The following MECOM variants were observed in gnomAD, a reference collection of about 807,000 sequenced individuals.
The protein encoded by MECOM is histone-lysine N-methyltransferase MECOM.
MECOM carries 13 observed loss-of-function variants against 116.3 expected under a neutral mutation model. The ratio of observed to expected loss-of-function variants is 0.11; its 90% CI spans 0.07 to 0.18. The LOEUF (loss-of-function observed/expected upper bound fraction) is 0.18. MECOM is among the 10% of genes least tolerant of loss of function. MECOM has a pLI of 1.00. For synonymous variants in MECOM, 528 were observed against 535.2 expected, an observed-to-expected ratio of 0.99 and a Z score of 0.19; for missense variants, 1,299 against 1,509.0, an observed-to-expected ratio of 0.86 and a Z score of 2.31.
At chr3:169,267,639 G>A (rs1038710039) in intron 2 of MECOM, among the ~76,000 whole-genome samples, 2 of 152,160 alleles carry the variant, frequency 1.3e-5, no homozygotes, top group East Asian at 3.9e-4. Flanking sequence ...GGTGATTGAA[G>A]TAATGCTACA....
At chr3:169,597,620 C>T (rs1186876121) in intron 1 of MECOM, among the ~76,000 whole-genome samples, 1 of 152,182 alleles carries the variant, frequency 6.6e-6, no homozygotes, top group Non-Finnish European at 1.5e-5. Context: ...GATACACAGA[C>T]TACAATTTCA....
chr3:169,628,977 T>C (rs1396408403), intron 1 of MECOM, among the ~76,000 whole-genome samples: 2 of 152,008 alleles, frequency 1.3e-5, no homozygotes, highest in African/African-American at 2.4e-5. Flanking sequence ...CTTACTAGAG[T>C]ACCTCTCAAG....
In MECOM at chr3:169,084,936, A is replaced by C. The variant is rs1353344038; in HGVS notation, c.3693T>G (p.Ser1231Arg). 3.1e-6 allele frequency: 5 copies of C among 1,614,080 alleles called. No individual in the cohort carries two copies. Among genetic ancestry groups the C allele is most frequent in the Non-Finnish European group, 3.4e-6 (4 of 1,179,990 alleles). Reference protein sequence around the residue: ...HSMARAAAESSAIQSISHV With the variant: ...HSMARAAAESRAIQSISHV ...ATACGTGGCTTATGGACTGGATAGC[A>C]CTGGATTCCGCCGCAGCCCTGGCCA... The change falls in exon 17 of 17, where the codon AGT (serine) becomes AGG (arginine). Residue 1231 changes from serine (S) to arginine (R), a missense_variant. Around this residue, in one of 6 missense-constraint regions of MECOM, gnomAD observed 273 missense variants for 289.3 expected, o/e 0.94. Transcript: ENST00000651503.
At position 169,430,393 on chromosome 3, in the gene MECOM, CATTT is replaced by C. The variant is rs140320165; in HGVS notation, c.38-48873_38-48870del. ...GATGACATAGTACTACATTAATAAA[CATTT>C]ATTAATTGTGATTTTATCATTTTCA... is the stretch of plus-strand genomic sequence containing the variant. On this transcript the variant is annotated intron_variant, in intron 1 of 16. Coordinates refer to ENST00000651503, the MANE Select transcript of MECOM (RefSeq NM_004991.4). Among the ~76,000 whole-genome samples, 529 of 152,230 alleles carry C rather than the reference CATTT, an allele frequency of 3.5e-3. 8 individuals are homozygous for C. The East Asian group carries it at 0.048, about 14-fold the overall frequency.
At chr3:169,370,255 A>T (rs764671936) in intron 2 of MECOM, among the ~76,000 whole-genome samples, 18 of 152,040 alleles carry the variant, frequency 1.2e-4, no homozygotes, top group Non-Finnish European at 2.1e-4. Context: ...AAGGGTGCCA[A>T]CAACACACAA....
intron 1 of MECOM, among the ~76,000 whole-genome samples, chr3:169,406,850 T>G (rs75306123): frequency 5.1e-5 from 7 of 137,914 alleles, no homozygotes; most frequent in East Asian, 2.1e-4. Context: ...TTTTTTTTTG[T>G]TTTTTTTTTT....
rs529116310 is a variant in MECOM at position 169,367,652 on chromosome 3, T to A, written c.375+13535A>T. Among the ~76,000 whole-genome samples the A allele has an allele frequency of 1.2e-4, 18 of 152,098 alleles. No homozygotes were observed. The Middle Eastern group carries it at 0.014, about 115-fold the overall frequency. On this transcript the variant is annotated intron_variant, in intron 2 of 16. Coordinates refer to ENST00000651503, the MANE Select transcript of MECOM (RefSeq NM_004991.4). ...CTTCCTAGGATTAGATTAAGAAGTA[T>A]CAACAAATTATTTTCTGTATCTTCA...
chr3:169,313,274 T>C (rs1308166989), intron 2 of MECOM, among the ~76,000 whole-genome samples: 1 of 151,508 alleles, frequency 6.6e-6, no homozygotes, highest in Non-Finnish European at 1.5e-5. Context: ...TGAGATGAGG[T>C]TGGGAAAAAA....
chr3:169,086,069 A>G (rs961735254), intron 16 of MECOM, among the ~76,000 whole-genome samples: 1 of 152,168 alleles, frequency 6.6e-6, no homozygotes, highest in Admixed American at 6.5e-5. Context: ...ACATGTGGCC[A>G]GTCTGTGGTT....
In MECOM at chr3:169,332,971, G is replaced by C. The variant is rs530472268; in HGVS notation, c.375+48216C>G. Among the ~76,000 whole-genome samples, 165 of 152,220 alleles carry C rather than the reference G, an allele frequency of 1.1e-3. 1 individual carries two copies. The highest frequency in any genetic ancestry group is 3.3e-3 in the African/African-American group (139 of 41,538). On this transcript the variant is annotated intron_variant, in intron 2 of 16. Transcript: ENST00000651503. The stretch of plus-strand genomic sequence containing the variant: ...CAACTAGGGAAGAAAAAAAAGCACA[G>C]CATTGAAGAAAAAATACTTTTTAAC...
At chr3:169,153,966 G>A (rs1210648856) in intron 2 of MECOM, among the ~76,000 whole-genome samples, 1 of 152,190 alleles carries the variant, frequency 6.6e-6, no homozygotes, top group African/African-American at 2.4e-5. Context: ...ACAGCAAAGT[G>A]TAAGTAGTTT....
chr3:169,093,056 C>T lies in MECOM; in HGVS notation c.3066G>A (p.Ala1022=), dbSNP rs779331325. The change falls in exon 14 of 17, where the codon GCG becomes GCA. Residue 1022 remains alanine (A), a synonymous_variant. Coordinates refer to ENST00000651503, the MANE Select transcript of MECOM (RefSeq NM_004991.4). ...AAGCATCTTCTTTGTCATCCAGAAT[C>T]GCACCTGTACTTTCCAGTTCAGAAT... ...SPHSELESTG[A]ILDDKEDAYF... is the part of the protein sequence containing the mutation. The T allele has an allele frequency of 6.3e-5, 102 of 1,613,620 alleles. No individual in the cohort carries two copies. The highest frequency in any genetic ancestry group is 1.5e-4 in the South Asian group (14 of 91,048).
chr3:169,219,669 G>A (rs1751867958), intron 2 of MECOM, among the ~76,000 whole-genome samples: 1 of 152,066 alleles, frequency 6.6e-6, no homozygotes, highest in East Asian at 1.9e-4. Flanking sequence ...TGGGTGTGTG[G>A]TGTAGAAGGA....
chr3:169,514,894 C>T (rs1478354926), intron 1 of MECOM, among the ~76,000 whole-genome samples: 13 of 152,170 alleles, frequency 8.5e-5, no homozygotes, highest in Admixed American at 8.5e-4. Context: ...CAATTCAACT[C>T]AGAAAGTAAA....
At chr3:169,146,376 C>T in intron 2 of MECOM, 1 of 1,385,350 alleles carries the variant, frequency 7.2e-7, no homozygotes, top group Non-Finnish European at 9.6e-7. Context: ...GCAACCGCAC[C>T]TTGTGCGTCC....
chr3:169,403,521 C>A (rs1254629864), intron 1 of MECOM, among the ~76,000 whole-genome samples: 4 of 152,122 alleles, frequency 2.6e-5, no homozygotes, highest in Non-Finnish European at 5.9e-5. Flanking sequence ...CAAATCCTGT[C>A]AAATTGCAAT....
chr3:169,613,486 T>C (rs1240217948), intron 1 of MECOM: 2 of 152,224 alleles, frequency 1.3e-5, no homozygotes, highest in Non-Finnish European at 2.9e-5. Context: ...TCCTGCTGCA[T>C]ACAAGAATGT....
intron 1 of MECOM, among the ~76,000 whole-genome samples, chr3:169,517,312 A>G (rs1044391281): frequency 5.3e-5 from 8 of 152,188 alleles, no homozygotes; most frequent in African/African-American, 1.9e-4. Flanking sequence ...GAAATTCTCA[A>G]TAGTTGGGCT....
At chr3:169,577,163 T>C (rs921491017) in intron 1 of MECOM, among the ~76,000 whole-genome samples, 1 of 152,196 alleles carries the variant, frequency 6.6e-6, no homozygotes, top group Non-Finnish European at 1.5e-5. Flanking sequence ...AGGAAAATAA[T>C]AGTAACTTAT....
Sources: allele counts gnomAD v4.1 joint callset (sites outside exome capture counted in the v4.1 genomes callset), GRCh38; gene constraint gnomAD v4.1.1; regional missense constraint gnomAD v4.1.1; transcripts MANE v1.5; gene names NCBI Gene and HGNC (gene_info 2026-07-23, HGNC 2026-07-21).